The following ADGRG4 variants were observed in gnomAD, a reference collection of about 807,000 sequenced individuals.
ADGRG4 encodes adhesion G protein-coupled receptor G4, also known as G protein-coupled receptor 112.
ADGRG4 carries 122 observed loss-of-function variants against 126.2 expected under a neutral mutation model. The observed-to-expected ratio is 0.97, with a 90% confidence interval of 0.83 to 1.12. The LOEUF (loss-of-function observed/expected upper bound fraction) is 1.12. ADGRG4 is among the 50% of genes most tolerant of loss of function. The pLI is 0.00. For missense variants in ADGRG4, 2,481 were observed against 2,251.8 expected (o/e 1.10, Z -2.06); for synonymous variants, 943 against 838.7 (o/e 1.12, Z -2.15).
intron 5 of ADGRG4, among the ~76,000 whole-genome samples, chrX:136,333,440 T>C (rs1020566880): frequency 3.9e-5 from 3 of 76,358 alleles, no homozygotes; most frequent in African/African-American, 5.2e-5. Context: ...TTCTAATTTT[T>C]TGTTGGGTAT....
At chrX:136,400,512 G>A (rs1002147762) in intron 21 of ADGRG4, among the ~76,000 whole-genome samples, 2 of 112,014 alleles carry the variant, frequency 1.8e-5, no homozygotes, top group Admixed American at 1.9e-4. Context: ...ATCTCCACGG[G>A]ATAGATTCCA....
chrX:136,402,047 C>T (rs1374106927), intron 21 of ADGRG4, among the ~76,000 whole-genome samples: 2 of 112,198 alleles, frequency 1.8e-5, no homozygotes, highest in African/African-American at 6.5e-5. Flanking sequence ...GCTGAGCTGT[C>T]CCACTACAGG....
chrX:136,402,578 C>A (rs1481696512), intron 21 of ADGRG4, among the ~76,000 whole-genome samples: 1 of 111,352 alleles, frequency 9.0e-6, no homozygotes, highest in East Asian at 2.8e-4. Context: ...TGCGCTTAGT[C>A]TAGGAGAAAT....
Position 136,387,724 on chromosome X carries a change from T to C in ADGRG4, c.7777-16T>C, listed in dbSNP as rs747104737. ...AATGAAGACTCCAATTTTCATTTTT[T>C]GGCTTTTCTTGGCAGATTTTCCTAG... On this transcript the variant is annotated splice_polypyrimidine_tract_variant and intron_variant, in intron 15 of 25. Transcript: ENST00000394143. 5 of 1,200,011 alleles carry C rather than the reference T, an allele frequency of 4.2e-6. No individual in the cohort carries two copies. In the East Asian group the frequency reaches 8.9e-5, roughly 21 times the overall value.
rs2075055461 is a variant in ADGRG4, at chrX:136,350,499, C to T, written c.6727+66C>T. On this transcript the variant is annotated intron_variant, in intron 6 of 25. Transcript: ENST00000394143. ...TCATGCACTATGGGTCATGTGTTCT[C>T]CAAAGTGGCCCGTTCTTGGAAGGCA... is the stretch of plus-strand genomic sequence containing the variant. The T allele has an allele frequency of 5.7e-6, 6 of 1,045,852 alleles. No homozygotes were observed. In the South Asian group the frequency reaches 8.9e-5, roughly 16 times the overall value. 86.2% of individuals were successfully genotyped at this position (1,045,852 alleles called of 1,213,427 possible).
At chrX:136,350,773 A>G (rs1018214263) in intron 6 of ADGRG4, among the ~76,000 whole-genome samples, 1 of 111,417 alleles carries the variant, frequency 9.0e-6, no homozygotes, top group Non-Finnish European at 1.9e-5. Context: ...CTTCCCAGTA[A>G]GAGAATCATA....
At chrX:136,401,676 C>A (rs1456450875) in intron 21 of ADGRG4, among the ~76,000 whole-genome samples, 1 of 112,086 alleles carries the variant, frequency 8.9e-6, no homozygotes, top group Non-Finnish European at 1.9e-5. Context: ...TTGTCCCCCA[C>A]ACTAAAAAGA....
Position 136,310,268 on chromosome X carries a change from C to T in ADGRG4, c.70+1421C>T, listed in dbSNP as rs769590082. On this transcript the variant is annotated intron_variant, in intron 4 of 25. Transcript: ENST00000394143. ...ATTCAAGCAATTCTCCTGCCTCAGC[C>T]TCCTGAGTAGCTGGGATTACAGGCG... 2.7e-5 allele frequency among the ~76,000 whole-genome samples: 3 copies of T among 110,438 alleles called. No homozygotes were observed. In the East Asian group the frequency reaches 8.5e-4, roughly 31 times the overall value.
rs1189141258 is a variant in ADGRG4 at position 136,323,272 on chromosome X, G to C, written c.565G>C (p.Asp189His). 3.3e-6 allele frequency: 4 copies of C among 1,209,262 alleles called. No individual in the cohort carries two copies. Among genetic ancestry groups the C allele is most frequent in the Non-Finnish European group, 4.5e-6 (4 of 895,064 alleles). ...CAGCTTGTACTACTTTCAACTCTGG[G>C]ACCACATCCTGGAAAACGAAGAGTT... ...PGSLYYFQLW[D>H]HILENEEFMK... Residue 189 changes from aspartate (D) to histidine (H), a missense_variant, in exon 5 of 26, where the codon GAC becomes CAC. Coordinates refer to ENST00000394143, the MANE Select transcript of ADGRG4 (RefSeq NM_153834.4).
chrX:136,369,874 AT>A (rs1178547007), intron 13 of ADGRG4, among the ~76,000 whole-genome samples: 1 of 111,864 alleles, frequency 8.9e-6, no homozygotes, highest in Admixed American at 9.5e-5. Flanking sequence ...TGTTGGACAA[AT>A]TGGGGTAATG....
chrX:136,359,098 A>G (rs1354291293), intron 10 of ADGRG4, among the ~76,000 whole-genome samples, 194 bp from the exon 11 acceptor site: 2 of 112,713 alleles, frequency 1.8e-5, no homozygotes, highest in Non-Finnish European at 1.9e-5. Flanking sequence ...TGTTTTGGAT[A>G]AGAGAAAATT....
At chrX:136,338,815 G>A (rs1253609941) in intron 5 of ADGRG4, among the ~76,000 whole-genome samples, 3 of 111,635 alleles carry the variant, frequency 2.7e-5, no homozygotes, top group Non-Finnish European at 5.7e-5. Flanking sequence ...GGAGATTCTG[G>A]GTCTTTTTTA....
At chrX:136,392,955 A>G (rs967858552) in intron 17 of ADGRG4, among the ~76,000 whole-genome samples, 10 of 111,869 alleles carry the variant, frequency 8.9e-5, no homozygotes, top group Non-Finnish European at 1.5e-4. Context: ...GAAGGAAGAG[A>G]GGGAGAGGAA....
intron 10 of ADGRG4, among the ~76,000 whole-genome samples, chrX:136,358,968 C>A (rs1235590636): frequency 8.9e-6 from 1 of 112,059 alleles, no homozygotes; most frequent in Non-Finnish European, 1.9e-5. Flanking sequence ...AATAATAAAT[C>A]CTGAAAACTC....
rs761259504 is a variant in ADGRG4, at chrX:136,349,999, T to C, written c.6293T>C (p.Ile2098Thr). ...LPMSINVTDD[I>T]VYISTHPEAS... The stretch of plus-strand genomic sequence containing the variant: ...ATGTCTATAAATGTCACAGATGACA[T>C]TGTGTACATTTCCACACACCCTGAG... Residue 2098 changes from isoleucine (I) to threonine (T), a missense_variant, in exon 6 of 26, where the codon ATT (isoleucine) becomes ACT (threonine). Coordinates refer to ENST00000394143, the MANE Select transcript of ADGRG4 (RefSeq NM_153834.4). 69 of 1,207,846 alleles carry C rather than the reference T, an allele frequency of 5.7e-5. No homozygotes were observed. The highest frequency in any genetic ancestry group is 7.1e-5 in the Non-Finnish European group (63 of 893,598).
chrX:136,373,051 G>A lies in ADGRG4; in HGVS notation c.7763G>A (p.Gly2588Asp). 1 of 1,206,074 alleles carries A rather than the reference G, an allele frequency of 8.3e-7. No individual in the cohort carries two copies. Among genetic ancestry groups the A allele is most frequent in the Non-Finnish European group, 1.1e-6 (1 of 892,714 alleles). Residue 2588 changes from glycine to aspartate, a missense_variant, in exon 15 of 26, where the codon GGC becomes GAC. Transcript: ENST00000394143. ...MAFSIHSYEEGTDPEIFLGNV... is the reference protein window; with the variant it reads ...MAFSIHSYEEDTDPEIFLGNV... ...TTCAGCATTCACTCCTATGAAGAAG[G>A]CACAGACCCTGAGGTGAGTGCAGCT... is the stretch of plus-strand genomic sequence containing the variant.
At chrX:136,358,259 A>G (rs1165854873) in intron 10 of ADGRG4, among the ~76,000 whole-genome samples, 1 of 110,878 alleles carries the variant, frequency 9.0e-6, no homozygotes, top group Non-Finnish European at 1.9e-5. Flanking sequence ...GAGGTTTAAA[A>G]TGAAGACTCC....
rs939061453 is a variant in ADGRG4 at position 136,399,962 on chromosome X, A to C, written c.8421A>C (p.Gly2807=). The change falls in exon 21 of 26, where the codon GGA becomes GGC. Residue 2807 remains glycine (G), a synonymous_variant. Coordinates refer to ENST00000394143, the MANE Select transcript of ADGRG4 (RefSeq NM_153834.4). The stretch of plus-strand genomic sequence containing the variant: ...GGTTGTCATCATTTCAGAAAGTGGG[A>C]GTTTGTATCACAGCTGCAGTGGCAC... The part of the protein sequence containing the change: ...NSWLSSFQKV[G]VCITAAVALH... 1.7e-6 allele frequency: 2 copies of C among 1,211,025 alleles called. No individual in the cohort carries two copies. Among genetic ancestry groups the C allele is most frequent in the Non-Finnish European group, 1.1e-6 (1 of 894,945 alleles).
intron 13 of ADGRG4, among the ~76,000 whole-genome samples, chrX:136,368,346 A>T (rs1419316193): frequency 8.9e-6 from 1 of 112,286 alleles, no homozygotes; most frequent in African/African-American, 3.2e-5. Flanking sequence ...CCACCGACTC[A>T]TTCCCTCTTT....
Sources: gnomAD v4.1 joint callset for allele counts (sites outside exome capture counted in the v4.1 genomes callset) on GRCh38, gnomAD v4.1.1 for gene constraint, MANE v1.5 for transcripts, NCBI Gene and HGNC (gene_info 2026-07-23, HGNC 2026-07-21) for gene names.